The following CSMD1 variants were observed in gnomAD, a reference collection of about 807,000 sequenced individuals.
CSMD1 encodes CUB and Sushi multiple domains 1.
CSMD1 carries 213 observed loss-of-function variants against 417.5 expected under a neutral mutation model. That is an observed-to-expected ratio of 0.51 (90% CI 0.46 to 0.57). The LOEUF (loss-of-function observed/expected upper bound fraction) is 0.57, where lower values mean the gene tolerates loss of function less well. CSMD1 is among the 20% of genes least tolerant of loss of function. The pLI, the probability that CSMD1 is intolerant of heterozygous loss-of-function variation, is 0.00. For synonymous variants in CSMD1, 2,862 were observed against 1,736.8 expected, an observed-to-expected ratio of 1.65 and a Z score of -16.11; for missense variants, 6,923 against 4,529.7, an observed-to-expected ratio of 1.53 and a Z score of -15.17.
chr8:3,681,724 C>G (rs1799673222), intron 7 of CSMD1, among the ~76,000 whole-genome samples: 1 of 152,160 alleles, frequency 6.6e-6, no homozygotes, highest in Non-Finnish European at 1.5e-5. Flanking sequence ...AAAGAGCCCG[C>G]ATTGCCAAGT....
At chr8:4,653,306 T>C (rs979396930) in intron 1 of CSMD1, among the ~76,000 whole-genome samples, 1 of 152,128 alleles carries the variant, frequency 6.6e-6, no homozygotes, top group Non-Finnish European at 1.5e-5. Context: ...TGACGATCAC[T>C]AGGCGCAACC....
intron 3 of CSMD1, among the ~76,000 whole-genome samples, chr8:4,151,017 G>C (rs1280896824): frequency 2.0e-5 from 3 of 152,126 alleles, no homozygotes; most frequent in Non-Finnish European, 4.4e-5. Context: ...AAGAGAAATT[G>C]TGTCCCATAT....
rs191373131 is a variant in CSMD1, at chr8:4,368,851, A to G, written c.415+51102T>C. Among the ~76,000 whole-genome samples, 888 of 152,104 alleles carry G rather than the reference A, an allele frequency of 5.8e-3. 6 individuals are homozygous for G. Among genetic ancestry groups the G allele is most frequent in the Non-Finnish European group, 9.7e-3 (661 of 67,920 alleles). ...AAGTGTCTTTATTTGGGTCTTCTTA[A>G]AATTAATCTATCTCACAGTCTATCA... On this transcript the variant is annotated intron_variant, in intron 3 of 69. Transcript: ENST00000635120.
intron 1 of CSMD1, among the ~76,000 whole-genome samples, chr8:4,758,332 G>C (rs1200306193): frequency 6.6e-6 from 1 of 152,144 alleles, no homozygotes; most frequent in Non-Finnish European, 1.5e-5. Flanking sequence ...CTGATTCTTT[G>C]TGTTATTTAG....
At chr8:3,045,408 T>C (rs561106683) in intron 50 of CSMD1, among the ~76,000 whole-genome samples, 46 of 152,298 alleles carry the variant, frequency 3.0e-4, no homozygotes, top group African/African-American at 1.0e-3. Flanking sequence ...AAAATAGGTA[T>C]AAGTGAAGCT....
chr8:4,172,045 A>T (rs1421162379), intron 3 of CSMD1, among the ~76,000 whole-genome samples: 1 of 152,200 alleles, frequency 6.6e-6, no homozygotes, highest in Admixed American at 6.5e-5. Context: ...AGGAAACACA[A>T]TGCACGATGC....
In CSMD1 at chr8:4,165,062, G is replaced by T. The variant is rs1038078596; in HGVS notation, c.416-132963C>A. Among the ~76,000 whole-genome samples the T allele has an allele frequency of 2.0e-5, 3 of 152,212 alleles. No homozygotes were observed. The East Asian group carries it at 5.8e-4, about 29-fold the overall frequency. ...TGTATTGGTAGAGGCTGTGTAGACA[G>T]TGAAGTTTAGGTGGGTACAGATGTG... On this transcript the variant is annotated intron_variant, in intron 3 of 69. Coordinates refer to ENST00000635120, the MANE Select transcript of CSMD1 (RefSeq NM_033225.6).
At chr8:3,003,473 T>A (rs776240924) in intron 52 of CSMD1, among the ~76,000 whole-genome samples, 1 of 152,186 alleles carries the variant, frequency 6.6e-6, no homozygotes, top group Non-Finnish European at 1.5e-5. Context: ...ACACACTGAG[T>A]ACTTGTTGAA....
intron 5 of CSMD1, among the ~76,000 whole-genome samples, chr8:3,874,636 G>A (rs1263295925): frequency 6.6e-6 from 1 of 151,972 alleles, no homozygotes; most frequent in African/African-American, 2.4e-5. Context: ...TATGTTTTTT[G>A]GTTTCCAAAA....
At chr8:4,246,443 T>C (rs112599123) in intron 3 of CSMD1, among the ~76,000 whole-genome samples, 3,488 of 152,290 alleles carry the variant, frequency 0.023, 140 homozygotes, top group African/African-American at 0.081. Flanking sequence ...CTCCATTTTC[T>C]TCGTATGGTA....
chr8:4,168,667 A>T (rs1797592352), intron 3 of CSMD1, among the ~76,000 whole-genome samples: 1 of 152,098 alleles, frequency 6.6e-6, no homozygotes, highest in African/African-American at 2.4e-5. Flanking sequence ...CATCATTCTC[A>T]CATTTTTTAA....
intron 19 of CSMD1, among the ~76,000 whole-genome samples, 181 bp downstream of exon 19, chr8:3,369,073 T>C (rs998632829): frequency 1.3e-5 from 2 of 152,244 alleles, no homozygotes; most frequent in African/African-American, 2.4e-5. Flanking sequence ...ATGGTTTTTA[T>C]TGTACAGTTG....
intron 10 of CSMD1, among the ~76,000 whole-genome samples, chr8:3,562,756 C>T (rs1156868229): frequency 6.6e-6 from 1 of 151,094 alleles, no homozygotes; most frequent in Non-Finnish European, 1.5e-5. Flanking sequence ...AATAATAATA[C>T]GGAGCCTATT....
intron 3 of CSMD1, among the ~76,000 whole-genome samples, chr8:4,358,315 C>G (rs1193790997): frequency 2.0e-5 from 3 of 152,324 alleles, no homozygotes; most frequent in South Asian, 2.1e-4. Context: ...TGCCATCTGA[C>G]AGCTGCCTAG....
intron 24 of CSMD1, among the ~76,000 whole-genome samples, 192 bp from the exon 25 acceptor site, chr8:3,308,013 A>G (rs1052748488): frequency 2.6e-5 from 4 of 152,148 alleles, no homozygotes; most frequent in Non-Finnish European, 1.5e-5. Flanking sequence ...TTTATCCTCC[A>G]TGCAATTAAA....
chr8:4,913,085 G>A (rs1346064985), intron 1 of CSMD1, among the ~76,000 whole-genome samples: 2 of 152,058 alleles, frequency 1.3e-5, no homozygotes, highest in African/African-American at 2.4e-5. Context: ...CCCCACAAGT[G>A]GCCAGCACCA....
At chr8:4,023,480 G>A (rs566055599) in intron 4 of CSMD1, among the ~76,000 whole-genome samples, 1 of 152,150 alleles carries the variant, frequency 6.6e-6, no homozygotes, top group East Asian at 1.9e-4. Context: ...GGATTGCAAT[G>A]TTGGAATCAC....
chr8:3,811,437 G>C (rs1430921628), intron 5 of CSMD1, among the ~76,000 whole-genome samples: 1 of 152,140 alleles, frequency 6.6e-6, no homozygotes, highest in Non-Finnish European at 1.5e-5. Context: ...GACTTACTGG[G>C]AGTGGGCATG....
chr8:3,925,308 G>A (rs1287049111), intron 5 of CSMD1, among the ~76,000 whole-genome samples: 1 of 152,176 alleles, frequency 6.6e-6, no homozygotes, highest in Non-Finnish European at 1.5e-5. Flanking sequence ...AAGCATCAGA[G>A]TAAAGTACTT....
Sources: allele counts gnomAD v4.1 joint callset (sites outside exome capture counted in the v4.1 genomes callset), GRCh38; gene constraint gnomAD v4.1.1; transcripts MANE v1.5; gene names NCBI Gene and HGNC (gene_info 2026-07-23, HGNC 2026-07-21).